Variants in PCDHA1 observed in about 807,000 individuals in gnomAD.
PCDHA1 encodes protocadherin alpha-1.
Under a neutral mutation model 61.3 loss-of-function variants are expected in PCDHA1, and 42 were observed. The ratio of observed to expected loss-of-function variants is 0.69; its 90% confidence interval spans 0.54 to 0.89. The LOEUF (loss-of-function observed/expected upper bound fraction) is 0.89, where lower values mean the gene tolerates loss of function less well. PCDHA1 is among the 40% of genes least tolerant of loss of function. PCDHA1 has a pLI of 0.00. For missense variants in PCDHA1, 1,256 were observed against 1,235.3 expected, an observed-to-expected ratio of 1.02 and a Z score of -0.25; for synonymous variants, 610 against 553.8, an observed-to-expected ratio of 1.10 and a Z score of -1.43.
At position 140,786,770 on chromosome 5, in the gene PCDHA1, A is replaced by C. The variant is rs1761331053; in HGVS notation, c.480A>C (p.Ala160=). 1 of 1,614,118 alleles carries C rather than the reference A, an allele frequency of 6.2e-7. No individual in the cohort carries two copies. Among genetic ancestry groups the C allele is most frequent in the African/African-American group, 1.3e-5 (1 of 74,934 alleles). ...TTCCGATAGAAGGAGCTGCTGATGC[A>C]GACATTGGTGCTAACGCTCTTCTAA... is the stretch of plus-strand genomic sequence containing the variant. ...SRFPIEGAAD[A]DIGANALLTY... The change falls in exon 1 of 4, where the codon GCA becomes GCC. Residue 160 remains alanine, a synonymous_variant. Coordinates refer to ENST00000504120, the MANE Select transcript of PCDHA1 (RefSeq NM_018900.4).
In PCDHA1 at chr5:140,842,604, G is replaced by A. The variant is rs1254196927; in HGVS notation, c.2394+53920G>A. 5 of 1,550,084 alleles carry A rather than the reference G, an allele frequency of 3.2e-6. No homozygotes were observed. The highest frequency in any genetic ancestry group is 1.1e-5 in the South Asian group (1 of 89,394). The stretch of plus-strand genomic sequence containing the variant: ...GCCTATGAGTTGGTGGTAACCGCGC[G>A]GGACGGGGGCTCGCCTTCGCTGTGG... On this transcript the variant is annotated intron_variant, in intron 1 of 3. Coordinates refer to ENST00000504120, the MANE Select transcript of PCDHA1 (RefSeq NM_018900.4).
chr5:140,871,524 G>A (rs1554165700), intron 1 of PCDHA1: 3 of 1,546,672 alleles, frequency 1.9e-6, no homozygotes, highest in Middle Eastern at 1.7e-4. Flanking sequence ...CACCTATCAG[G>A]AAGTGTATGT....
chr5:140,857,553 C>T, intron 1 of PCDHA1: 1 of 1,597,008 alleles, frequency 6.3e-7, no homozygotes, highest in Non-Finnish European at 8.6e-7. Flanking sequence ...GGCGAGCGCT[C>T]GCTGTCGAGC....
At chr5:141,005,930 G>C (rs1179599253) in intron 3 of PCDHA1, among the ~76,000 whole-genome samples, 1 of 151,958 alleles carries the variant, frequency 6.6e-6, no homozygotes, top group African/African-American at 2.4e-5. Context: ...CTGGTTGACA[G>C]AGTGAGAACC....
At chr5:140,808,306 C>A (rs1210807010) in intron 1 of PCDHA1, 4 of 1,614,254 alleles carry the variant, frequency 2.5e-6, no homozygotes, top group East Asian at 4.5e-5. Flanking sequence ...CCCTGATCAG[C>A]GTGTCCGACA....
At chr5:140,927,095 TG>T in intron 1 of PCDHA1, 1 of 1,612,210 alleles carries the variant, frequency 6.2e-7, no homozygotes, top group Non-Finnish European at 8.5e-7. Flanking sequence ...TACTTCGGGG[TG>T]GATCTACCCA....
intron 1 of PCDHA1, among the ~76,000 whole-genome samples, chr5:140,792,783 T>A (rs1761729375): frequency 6.6e-6 from 1 of 152,224 alleles, no homozygotes; most frequent in African/African-American, 2.4e-5. Context: ...ATAGATTAAA[T>A]AATAATTACT....
At chr5:140,926,557 C>G (rs2083347198) in intron 1 of PCDHA1, 1 of 241,254 alleles carries the variant, frequency 4.1e-6, no homozygotes. Context: ...GACCCCAGCC[C>G]GCTGCTACTG....
intron 3 of PCDHA1, among the ~76,000 whole-genome samples, chr5:140,994,234 C>A (rs1285846864): frequency 4.6e-5 from 7 of 152,146 alleles, no homozygotes; most frequent in South Asian, 2.1e-4. Flanking sequence ...ATGTTATAAT[C>A]AATTCAAACC....
chr5:140,848,297 T>C, intron 1 of PCDHA1: 1 of 658,484 alleles, frequency 1.5e-6, no homozygotes, highest in Non-Finnish European at 2.6e-6. Flanking sequence ...TTGGGCCACG[T>C]GATGTCACTC....
chr5:141,006,207 T>C (rs1434083054), intron 3 of PCDHA1, among the ~76,000 whole-genome samples: 4 of 150,998 alleles, frequency 2.6e-5, no homozygotes, highest in Non-Finnish European at 5.9e-5. Context: ...TTATGCCTCA[T>C]TTTTTTTTAA....
At chr5:140,931,547 T>C (rs2087587732) in intron 1 of PCDHA1, among the ~76,000 whole-genome samples, 1 of 152,064 alleles carries the variant, frequency 6.6e-6, no homozygotes, top group Admixed American at 6.5e-5. Flanking sequence ...ACTGTTCATA[T>C]GTGCAGGAAT....
At position 140,795,277 on chromosome 5, in the gene PCDHA1, C is replaced by T; in HGVS notation, c.2394+6593C>T. On this transcript the variant is annotated intron_variant, in intron 1 of 3. Transcript: ENST00000504120. The stretch of plus-strand genomic sequence containing the variant: ...CGGGCGGAGCGCGGAATGTAGCATC[C>T]ACGTGGAGGTGATCGTGGACAGGCC... 6.2e-7 allele frequency: 1 copy of T among 1,614,244 alleles called. No homozygotes were observed. The highest frequency in any genetic ancestry group is 8.5e-7 in the Non-Finnish European group (1 of 1,180,040).
At chr5:140,830,140 G>T (rs1305649998) in intron 1 of PCDHA1, 2 of 1,613,352 alleles carry the variant, frequency 1.2e-6, no homozygotes. Flanking sequence ...CACGGGCGTC[G>T]GTGGGCGCCG....
rs183311315 is a variant in PCDHA1, at chr5:140,913,513, T to C, written c.2395-65436T>C. ...AGTCTGTTTAAAACTTTGTCAATTTTATTTATCTTTTCAAAAGATTGACTT... is the reference window on the plus strand; with the variant it reads ...AGTCTGTTTAAAACTTTGTCAATTTCATTTATCTTTTCAAAAGATTGACTT... On this transcript the variant is annotated intron_variant, in intron 1 of 3. Coordinates refer to ENST00000504120, the MANE Select transcript of PCDHA1 (RefSeq NM_018900.4). Among the ~76,000 whole-genome samples, 393 of 152,272 alleles carry C rather than the reference T, an allele frequency of 2.6e-3. 2 individuals are homozygous for C. The highest frequency in any genetic ancestry group is 9.2e-3 in the African/African-American group (382 of 41,572).
intron 1 of PCDHA1, chr5:140,829,364 G>A: frequency 6.2e-7 from 1 of 1,614,244 alleles, no homozygotes; most frequent in Non-Finnish European, 8.5e-7. Context: ...TGAGTTGGTG[G>A]TAACCGCGCG....
chr5:140,925,166 A>G (rs2082364629), intron 1 of PCDHA1, among the ~76,000 whole-genome samples: 1 of 152,126 alleles, frequency 6.6e-6, no homozygotes, highest in Admixed American at 6.5e-5. Context: ...GAATTGTGTA[A>G]TTGACCCCAA....
At chr5:140,978,283 G>A (rs1355729190) in intron 1 of PCDHA1, among the ~76,000 whole-genome samples, 3 of 152,200 alleles carry the variant, frequency 2.0e-5, no homozygotes, top group South Asian at 2.1e-4. Context: ...CAGTGATTCA[G>A]TGAGGAGGGA....
intron 1 of PCDHA1, among the ~76,000 whole-genome samples, chr5:140,806,403 G>A (rs2149990509): frequency 6.6e-6 from 1 of 152,328 alleles, no homozygotes; most frequent in South Asian, 2.1e-4. Context: ...GAGCAAATGA[G>A]TTCCAATGAA....
Sources: gnomAD v4.1 joint callset for allele counts (sites outside exome capture counted in the v4.1 genomes callset) on GRCh38, gnomAD v4.1.1 for gene constraint, MANE v1.5 for transcripts, NCBI Gene and HGNC (gene_info 2026-07-23, HGNC 2026-07-21) for gene names.